The following LRRC18 variants were observed in gnomAD, a reference collection of about 807,000 sequenced individuals.
LRRC18 encodes the protein leucine rich repeat containing 18, also known as leucine-rich repeat-containing protein 18.
LRRC18 carries 12 observed loss-of-function variants against 11.2 expected under a neutral mutation model. That is an observed-to-expected ratio of 1.07 (90% CI 0.69 to 1.74). The LOEUF (loss-of-function observed/expected upper bound fraction) is 1.74. LRRC18 is among the 40% of genes most tolerant of loss of function. The probability of loss-of-function intolerance (pLI) is 0.00; values close to 1 mark genes in which losing one functional copy is unlikely to be tolerated. For missense variants in LRRC18, 374 were observed against 330.5 expected, an observed-to-expected ratio of 1.13 and a Z score of -1.02; for synonymous variants, 155 against 130.6, an observed-to-expected ratio of 1.19 and a Z score of -1.27.
Position 48,911,499 on chromosome 10 carries a change from T to C in LRRC18, c.765-1241A>G, listed in dbSNP as rs140387027. ...GCTCTCATCACAAGACTATTCCCATTAGTGAAAACTGAAAATAACTTAAAG... is the reference window on the plus strand; with the variant it reads ...GCTCTCATCACAAGACTATTCCCATCAGTGAAAACTGAAAATAACTTAAAG... On this transcript the variant is annotated intron_variant, in intron 1 of 1. Transcript: ENST00000374160. Among the ~76,000 whole-genome samples the C allele has an allele frequency of 7.5e-3, 1,142 of 152,332 alleles. 8 individuals carry two copies. The highest frequency in any genetic ancestry group is 9.5e-3 in the Non-Finnish European group (645 of 68,024).
chr10:48,913,626 T>G (rs747254531), exon 1 of LRRC18: 5 of 1,614,048 alleles, frequency 3.1e-6, no homozygotes, highest in Non-Finnish European at 4.2e-6. Context: ...TGGAAAGGGG[T>G]TCCGCTTTAT....
At chr10:48,922,660 T>G in the LRRC18 span, among the ~76,000 whole-genome samples, 1 of 152,290 alleles carries the variant, frequency 6.6e-6, no homozygotes, top group East Asian at 1.9e-4. Flanking sequence ...AATGGGGGTC[T>G]TAGAACATAT....
chr10:48,912,885 C>A (rs1278972085), intron 1 of LRRC18, among the ~76,000 whole-genome samples: 11 of 152,180 alleles, frequency 7.2e-5, no homozygotes. Context: ...TAAAACCTGC[C>A]CATTTCTGTG....
chr10:48,926,980 T>C, the LRRC18 span, among the ~76,000 whole-genome samples: 2 of 152,334 alleles, frequency 1.3e-5, no homozygotes, highest in Admixed American at 1.3e-4. Context: ...GATTTTCATG[T>C]AGCATTGCCC....
At chr10:48,931,334 T>A in the LRRC18 span, among the ~76,000 whole-genome samples, 1 of 152,136 alleles carries the variant, frequency 6.6e-6, no homozygotes, top group Non-Finnish European at 1.5e-5. Context: ...CTTTATGCTG[T>A]CCCAGAGTGG....
At chr10:48,910,246 T>C (rs759272946) in exon 2 of LRRC18, 4 of 1,610,062 alleles carry the variant, frequency 2.5e-6, no homozygotes, top group East Asian at 2.2e-5. Flanking sequence ...TCTAGGAAGA[T>C]GTCAAGCGTA....
the LRRC18 span, among the ~76,000 whole-genome samples, chr10:48,929,064 G>A: frequency 0.8 from 122,004 of 152,166 alleles, 49,861 homozygotes; most frequent in East Asian, 1. Flanking sequence ...TGGAAGATGC[G>A]CTTTTTTAGA....
At chr10:48,917,954 G>A (rs1284405135), upstream of LRRC18, among the ~76,000 whole-genome samples, 3 of 152,136 alleles carry the variant, frequency 2.0e-5, no homozygotes, top group Admixed American at 6.5e-5. Flanking sequence ...CTACATAACG[G>A]GGAAGTGAGC....
the LRRC18 span, among the ~76,000 whole-genome samples, chr10:48,922,286 A>T: frequency 2.0e-5 from 3 of 152,286 alleles, no homozygotes. Flanking sequence ...CCCTTTTTCC[A>T]GTGGATTCAC....
chr10:48,913,328 A>T (rs1023803634), intron 1 of LRRC18, 64 bp downstream of exon 3: 2 of 1,495,948 alleles, frequency 1.3e-6, no homozygotes, highest in African/African-American at 2.8e-5. Flanking sequence ...CTGTGGAGGT[A>T]GCCCACTGCC....
At chr10:48,923,207 T>A in the LRRC18 span, among the ~76,000 whole-genome samples, 1 of 152,070 alleles carries the variant, frequency 6.6e-6, no homozygotes, top group South Asian at 2.1e-4. Context: ...ATAGGTAGCA[T>A]CTGGGCACCA....
At chr10:48,937,099 G>A in the LRRC18 span, among the ~76,000 whole-genome samples, 1 of 151,886 alleles carries the variant, frequency 6.6e-6, no homozygotes, top group South Asian at 2.1e-4. Flanking sequence ...TTTCCATGTT[G>A]GCTAGGCTGG....
the LRRC18 span, among the ~76,000 whole-genome samples, chr10:48,921,477 A>T: frequency 6.6e-6 from 1 of 152,240 alleles, no homozygotes; most frequent in South Asian, 2.1e-4. Flanking sequence ...ATAGATTTGA[A>T]TGTAAAATGT....
exon 2 of LRRC18, chr10:48,910,223 T>G: frequency 6.2e-7 from 1 of 1,609,348 alleles, no homozygotes; most frequent in Non-Finnish European, 8.5e-7. Flanking sequence ...CTTCAAGATT[T>G]TGCCACAGCT....
chr10:48,914,135 G>C lies in LRRC18; in HGVS notation c.21C>G (p.Gly7=), dbSNP rs753243637. The C allele has an allele frequency of 7.4e-6, 12 of 1,613,908 alleles. No individual in the cohort carries two copies. The Admixed American group carries it at 1.8e-4, about 25-fold the overall frequency. Residue 7 remains glycine (G), a synonymous_variant, in exon 1 of 2, where the codon GGC becomes GGG. Coordinates refer to ENST00000374160, the Ensembl canonical transcript of LRRC18. ...TGAGGGTGATCTTCTTGCCCTTGGG[G>C]CCTTTCTCACCCTTAACCATGTTCT... is the stretch of plus-strand genomic sequence containing the variant.
chr10:48,929,109 T>C, the LRRC18 span, among the ~76,000 whole-genome samples: 2 of 152,116 alleles, frequency 1.3e-5, no homozygotes, highest in Non-Finnish European at 2.9e-5. Flanking sequence ...TTTGAGAAGA[T>C]GATACCTGAG....
At chr10:48,909,919 G>C (rs183035660) in exon 2 of LRRC18, 2 of 332,854 alleles carry the variant, frequency 6.0e-6, no homozygotes, top group East Asian at 1.2e-4. Flanking sequence ...TGTAGAGGCA[G>C]TAAGCCTTTT....
At chr10:48,918,628 G>T (rs527274808), upstream of LRRC18, among the ~76,000 whole-genome samples, 1 of 152,326 alleles carries the variant, frequency 6.6e-6, no homozygotes, top group East Asian at 1.9e-4. Flanking sequence ...TAGAATTGGA[G>T]ACATCAATAC....
At chr10:48,921,904 C>T in the LRRC18 span, among the ~76,000 whole-genome samples, 19 of 152,214 alleles carry the variant, frequency 1.2e-4, no homozygotes, top group African/African-American at 4.6e-4. Flanking sequence ...GAAGACACTT[C>T]GGAAATTTCT....
Sources: allele counts gnomAD v4.1 joint callset (sites outside exome capture counted in the v4.1 genomes callset), GRCh38; gene constraint gnomAD v4.1.1; transcripts MANE v1.5; gene names NCBI Gene and HGNC (gene_info 2026-07-23, HGNC 2026-07-21).